The following AGBL4 variants were observed in gnomAD, a reference collection of about 807,000 sequenced individuals.
AGBL4 encodes cytosolic carboxypeptidase 6.
A neutral mutation model predicts 66.4 loss-of-function variants in AGBL4; 58 were observed. The observed-to-expected ratio is 0.87, with a 90% CI of 0.71 to 1.09. AGBL4 has a LOEUF of 1.09. AGBL4 is among the 50% of genes least tolerant of loss of function. The probability of loss-of-function intolerance (pLI) is 0.00; values close to 1 mark genes in which losing one functional copy is unlikely to be tolerated. For missense variants in AGBL4, 579 were observed against 631.0 expected, an observed-to-expected ratio of 0.92 and a Z score of 0.88; for synonymous variants, 234 against 222.9, an observed-to-expected ratio of 1.05 and a Z score of -0.44.
chr1:49,948,456 T>TATATATAA (rs1482369072), intron 1 of AGBL4, among the ~76,000 whole-genome samples: 22 of 54,200 alleles, frequency 4.1e-4, no homozygotes, highest in African/African-American at 8.9e-4. Flanking sequence ...AATATATAAA[T>TATATATAA]ATAGATAAAT....
intron 3 of AGBL4, among the ~76,000 whole-genome samples, chr1:49,464,214 T>C (rs1012804119): frequency 6.6e-6 from 1 of 151,746 alleles, no homozygotes; most frequent in African/African-American, 2.4e-5. Flanking sequence ...AGCTGACACG[T>C]GGGCTGAATT....
At chr1:49,302,682 TCCTAGAG>T (rs1158984422) in intron 3 of AGBL4, among the ~76,000 whole-genome samples, 2 of 148,414 alleles carry the variant, frequency 1.3e-5, no homozygotes, top group Non-Finnish European at 1.5e-5. Context: ...TATTTTATAT[TCCTAGAG>T]ATATGTGCAG....
In AGBL4 at chr1:49,172,399, G is replaced by A. The variant is rs540900823; in HGVS notation, c.377+73371C>T. Among the ~76,000 whole-genome samples, 5 of 152,288 alleles carry A rather than the reference G, an allele frequency of 3.3e-5. No homozygotes were observed. In the South Asian group the frequency reaches 8.3e-4, roughly 25 times the overall value. ...TCCAAAAAAATTGGAAGTGGGAGGC[G>A]TAGGAGGGAATGTGGCAAGGAAAGC... is the stretch of plus-strand genomic sequence containing the variant. On this transcript the variant is annotated intron_variant, in intron 4 of 13. Transcript: ENST00000371839.
At chr1:49,809,100 T>C (rs1199658208) in intron 2 of AGBL4, among the ~76,000 whole-genome samples, 1 of 152,190 alleles carries the variant, frequency 6.6e-6, no homozygotes, top group Non-Finnish European at 1.5e-5. Context: ...TATTACATTT[T>C]ATTGCAATCG....
At chr1:48,666,226 C>T (rs1305315580) in intron 6 of AGBL4, among the ~76,000 whole-genome samples, 1 of 151,868 alleles carries the variant, frequency 6.6e-6, no homozygotes, top group Non-Finnish European at 1.5e-5. Context: ...TGGTGACTAC[C>T]CCACCCCCTC....
chr1:49,918,797 C>A (rs1289218184), intron 1 of AGBL4, among the ~76,000 whole-genome samples: 2 of 152,140 alleles, frequency 1.3e-5, no homozygotes, highest in Non-Finnish European at 1.5e-5. Context: ...GAATTATAGA[C>A]CAATATCCTT....
At chr1:49,016,789 T>C (rs1049017301) in intron 5 of AGBL4, among the ~76,000 whole-genome samples, 7 of 152,192 alleles carry the variant, frequency 4.6e-5, no homozygotes, top group African/African-American at 1.7e-4. Context: ...TTCTGCACAT[T>C]GCCACTTGGA....
chr1:49,231,902 T>C (rs1650339266), intron 4 of AGBL4, among the ~76,000 whole-genome samples: 2 of 152,364 alleles, frequency 1.3e-5, no homozygotes, highest in East Asian at 1.9e-4. Flanking sequence ...ATCAGCTTTG[T>C]GTTACATGAC....
intron 6 of AGBL4, among the ~76,000 whole-genome samples, chr1:48,738,053 T>C (rs1397879973): frequency 6.6e-6 from 1 of 152,168 alleles, no homozygotes; most frequent in Non-Finnish European, 1.5e-5. Flanking sequence ...ACCAGCAAGA[T>C]CAATTGTTCA....
At chr1:49,652,433 T>A (rs1312821183) in intron 3 of AGBL4, among the ~76,000 whole-genome samples, 1 of 152,188 alleles carries the variant, frequency 6.6e-6, no homozygotes, top group Non-Finnish European at 1.5e-5. Context: ...AAGTCCCTCA[T>A]GACCCCAAGC....
intron 12 of AGBL4, among the ~76,000 whole-genome samples, chr1:48,539,072 C>T (rs1288055885): frequency 6.6e-6 from 1 of 152,174 alleles, no homozygotes; most frequent in Non-Finnish European, 1.5e-5. Flanking sequence ...TCCTGACCTT[C>T]TCTCCTCAGC....
intron 3 of AGBL4, among the ~76,000 whole-genome samples, chr1:49,524,532 A>G (rs1650508805): frequency 6.6e-6 from 1 of 152,116 alleles, no homozygotes; most frequent in Non-Finnish European, 1.5e-5. Flanking sequence ...TAAGGTTCTT[A>G]TATCTGGCCT....
chr1:49,325,586 G>C (rs1226855969), intron 3 of AGBL4, among the ~76,000 whole-genome samples: 6 of 152,060 alleles, frequency 3.9e-5, no homozygotes, highest in Admixed American at 3.3e-4. Flanking sequence ...GAGAATTTTT[G>C]AGAATTTATG....
intron 2 of AGBL4, among the ~76,000 whole-genome samples, chr1:49,776,736 A>G (rs1023914974): frequency 1.3e-5 from 2 of 152,110 alleles, no homozygotes; most frequent in African/African-American, 4.8e-5. Flanking sequence ...TGATCCCACA[A>G]CATCATACTT....
intron 3 of AGBL4, among the ~76,000 whole-genome samples, chr1:49,438,195 G>A (rs896639543): frequency 3.3e-5 from 5 of 152,018 alleles, no homozygotes; most frequent in African/African-American, 1.2e-4. Context: ...ACTTTCCTTT[G>A]GCCAACCTAC....
chr1:49,618,547 AGGT>A (rs2124282663), intron 3 of AGBL4, among the ~76,000 whole-genome samples: 1 of 152,334 alleles, frequency 6.6e-6, no homozygotes, highest in East Asian at 1.9e-4. Flanking sequence ...TACAAAGAGG[AGGT>A]GGTACCATTC....
At chr1:48,599,721 G>T (rs1329487519) in intron 9 of AGBL4, among the ~76,000 whole-genome samples, 1 of 152,184 alleles carries the variant, frequency 6.6e-6, no homozygotes, top group Non-Finnish European at 1.5e-5. Flanking sequence ...GACTGGGTTG[G>T]AGCCCAGCTG....
chr1:49,354,032 A>G (rs1643966801), intron 3 of AGBL4, among the ~76,000 whole-genome samples: 1 of 152,194 alleles, frequency 6.6e-6, no homozygotes, highest in Non-Finnish European at 1.5e-5. Context: ...AGGGTGTAAA[A>G]GGCTGTCACC....
intron 3 of AGBL4, among the ~76,000 whole-genome samples, chr1:49,620,548 A>G (rs1190824279): frequency 2.0e-5 from 3 of 152,182 alleles, no homozygotes; most frequent in Admixed American, 1.3e-4. Flanking sequence ...ACCACTGCGG[A>G]AGACAATATG....
Sources: gnomAD v4.1 joint callset for allele counts (sites outside exome capture counted in the v4.1 genomes callset) on GRCh38, gnomAD v4.1.1 for gene constraint, MANE v1.5 for transcripts, NCBI Gene and HGNC (gene_info 2026-07-23, HGNC 2026-07-21) for gene names.